Variants in FKBP5 observed in about 807,000 individuals in gnomAD.
FKBP5 encodes the protein peptidyl-prolyl cis-trans isomerase FKBP5.
A neutral mutation model predicts 50.5 loss-of-function variants in FKBP5; 23 were observed. The observed-to-expected ratio is 0.46, with a 90% confidence interval of 0.33 to 0.65. FKBP5 has a LOEUF of 0.65. FKBP5 is among the 30% of genes least tolerant of loss of function. FKBP5 has a pLI of 0.02. For synonymous variants in FKBP5, 176 were observed against 190.6 expected, an observed-to-expected ratio of 0.92 and a Z score of 0.63; for missense variants, 411 against 553.1, an observed-to-expected ratio of 0.74 and a Z score of 2.58.
rs749466288 is a variant in FKBP5, at chr6:35,582,090, C to CTG, written c.841-1871_841-1870dup. ...TGAAGATGGGGCAGACCTGTTCCAGCTGGAGGGCCTGGGTGTGAATGAGGG... is the reference window on the plus strand; with the variant it reads ...TGAAGATGGGGCAGACCTGTTCCAGCTGTGGAGGGCCTGGGTGTGAATGAGGG... On this transcript the variant is annotated intron_variant, in intron 8 of 10. Transcript: ENST00000357266. 5 of 985,440 alleles carry CTG rather than the reference C, an allele frequency of 5.1e-6. No individual in the cohort carries two copies. In the East Asian group the frequency reaches 3.4e-4, roughly 67 times the overall value. 61.0% of individuals were successfully genotyped at this position (985,440 alleles called of 1,614,324 possible).
intron 3 of FKBP5, among the ~76,000 whole-genome samples, chr6:35,624,530 C>G (rs1476322832): frequency 2.6e-5 from 4 of 151,824 alleles, no homozygotes; most frequent in Non-Finnish European, 4.4e-5. Context: ...AGGAAAAAAA[C>G]AAGGTCACTG....
intron 1 of FKBP5, among the ~76,000 whole-genome samples, chr6:35,648,492 T>A (rs1764693732): frequency 6.6e-6 from 1 of 151,972 alleles, no homozygotes; most frequent in Non-Finnish European, 1.5e-5. Flanking sequence ...CCCAGGCTGG[T>A]CTTGAAGTGA....
Position 35,664,790 on chromosome 6 carries a change from T to A in FKBP5, c.-19-21947A>T, listed in dbSNP as rs542744137. 13 of 154,308 alleles carry A rather than the reference T, an allele frequency of 8.4e-5. No individual in the cohort carries two copies. In the South Asian group the frequency reaches 2.2e-3, roughly 27 times the overall value. 9.6% of individuals were successfully genotyped at this position (154,308 alleles called of 1,614,324 possible). A position where few individuals can be genotyped will look rare whatever the true frequency, so the allele number is the denominator to read the frequency against. ...TAGAGGTAGTAGCTGAAATTAAAAG[T>A]GGCATAATTTCTCCCTCTTTCCTTC... is the stretch of plus-strand genomic sequence containing the variant. On this transcript the variant is annotated intron_variant, in intron 1 of 10. Transcript: ENST00000357266.
chr6:35,702,435 G>A (rs895113393), intron 2 of FKBP5, among the ~76,000 whole-genome samples: 3 of 151,000 alleles, frequency 2.0e-5, no homozygotes, highest in African/African-American at 7.3e-5. Flanking sequence ...CTGGATAATG[G>A]CATGCAAAAT....
chr6:35,717,403 A>G (rs1581904206), intron 2 of FKBP5, among the ~76,000 whole-genome samples: 1 of 152,028 alleles, frequency 6.6e-6, no homozygotes. Flanking sequence ...TGTATGTGTG[A>G]GTGTGTGCTC....
rs992105 is a variant in FKBP5 at position 35,587,406 on chromosome 6, C to A, written c.757-289G>T. 0.83 allele frequency among the ~76,000 whole-genome samples: 126,986 copies of A among 152,120 alleles called. 53,101 individuals carry two copies. The highest frequency in any genetic ancestry group is 0.84 in the Admixed American group (12,864 of 15,290). The stretch of plus-strand genomic sequence containing the variant: ...CTCTGGTAAGCACTGCTACAAAGTG[C>A]ATCTTTAGAAATACAAGGTGAACCC... On this transcript the variant is annotated intron_variant, in intron 7 of 10. Transcript: ENST00000357266.
At chr6:35,581,267 CATATATA>C (rs1762419364) in intron 8 of FKBP5, 3 of 457,300 alleles carry the variant, frequency 6.6e-6, no homozygotes, top group African/African-American at 2.1e-5. Context: ...TAAATATAAA[CATATATA>C]ATATATATAT....
At chr6:35,724,617 C>T (rs1310234287) in intron 1 of FKBP5, among the ~76,000 whole-genome samples, 1 of 151,976 alleles carries the variant, frequency 6.6e-6, no homozygotes, top group Non-Finnish European at 1.5e-5. Flanking sequence ...ATGGTTCACA[C>T]CTGTAATCCC....
rs146032538 is a variant in FKBP5 at position 35,642,813 on chromosome 6, A to G, written c.12T>C (p.Asp4=). Residue 4 remains aspartate (D), a synonymous_variant, in exon 2 of 11, where the codon GAT becomes GAC. Coordinates refer to ENST00000357266, the MANE Select transcript of FKBP5 (RefSeq NM_004117.4). MTT[D]EGAKNNEESP... ...TTTCTTCATTGTTCTTGGCACCTTC[A>G]TCAGTAGTCATTGTCTTTTAAGTAG... 5,560 of 1,613,518 alleles carry G rather than the reference A, an allele frequency of 3.4e-3. 172 individuals carry two copies. The East Asian group carries it at 0.066, about 19-fold the overall frequency.
chr6:35,576,217 CGCCCTCTCTGCAGACA>C (rs1289364846), intron 10 of FKBP5, among the ~76,000 whole-genome samples: 1 of 151,982 alleles, frequency 6.6e-6, no homozygotes, highest in African/African-American at 2.4e-5. Flanking sequence ...GTAGGGAGGC[CGCCCTCTCTGCAGACA>C]GACCTCTCCT....
chr6:35,582,486 CCACT>C, intron 8 of FKBP5: 1 of 372,968 alleles, frequency 2.7e-6, no homozygotes, highest in Non-Finnish European at 3.7e-6. Flanking sequence ...TGCCCTCTCT[CCACT>C]CACATGCATG....
chr6:35,575,891 C>T lies in FKBP5; in HGVS notation c.1318G>A (p.Glu440Lys). The change falls in exon 11 of 11, where the codon GAA becomes AAA. Residue 440 changes from glutamate to lysine, a missense_variant. By Grantham distance (56) the Glu-to-Lys change is moderately conservative (BLOSUM62 1). Around this residue, in one of 3 missense-constraint regions of FKBP5, gnomAD observed 88 missense variants for 89.0 expected, o/e 0.99. Transcript: ENST00000357266. ...GKKTSEGVTN[E>K]KGTDSQAMEE... is the part of the protein sequence containing the mutation. ...ATTGCTTGACTGTCTGTTCCTTTTT[C>T]ATTAGTGACCCCTTCTGAAGTCTTC... The T allele has an allele frequency of 6.2e-7, 1 of 1,614,082 alleles. No individual in the cohort carries two copies. The highest frequency in any genetic ancestry group is 8.5e-7 in the Non-Finnish European group (1 of 1,179,976).
chr6:35,591,625 C>A (rs1356705308), intron 6 of FKBP5, among the ~76,000 whole-genome samples: 1 of 151,974 alleles, frequency 6.6e-6, no homozygotes, highest in Non-Finnish European at 1.5e-5. Flanking sequence ...GAAGACACAG[C>A]CACTGTAATT....
intron 1 of FKBP5, among the ~76,000 whole-genome samples, chr6:35,671,330 C>G (rs539497170): frequency 2.0e-5 from 3 of 150,616 alleles, no homozygotes; most frequent in Non-Finnish European, 4.4e-5. Context: ...TCCAAACTGA[C>G]AAATCTAGCC....
chr6:35,618,840 G>A (rs961119885), intron 5 of FKBP5, among the ~76,000 whole-genome samples: 6 of 151,894 alleles, frequency 4.0e-5, no homozygotes, highest in Non-Finnish European at 8.8e-5. Context: ...GAATACAGGC[G>A]TGCACCACCA....
At chr6:35,699,057 C>T (rs1045812750) in intron 2 of FKBP5, among the ~76,000 whole-genome samples, 1 of 152,186 alleles carries the variant, frequency 6.6e-6, no homozygotes, top group African/African-American at 2.4e-5. Flanking sequence ...GCAGGGACAG[C>T]TGGTCTCTAG....
chr6:35,586,087 C>T, intron 8 of FKBP5: 1 of 985,132 alleles, frequency 1.0e-6, no homozygotes, highest in Non-Finnish European at 1.2e-6. Context: ...CGAAAGAAAC[C>T]TTGACAGAAC....
At position 35,686,668 on chromosome 6, in the gene FKBP5, T is replaced by C. The variant is rs75945493; in HGVS notation, c.-20+2136A>G. Among the ~76,000 whole-genome samples the C allele has an allele frequency of 1.1e-3, 165 of 152,326 alleles. 2 individuals are homozygous for C. Among genetic ancestry groups the C allele is most frequent in the African/African-American group, 3.8e-3 (160 of 41,580 alleles). On this transcript the variant is annotated intron_variant, in intron 1 of 10. Coordinates refer to ENST00000357266, the MANE Select transcript of FKBP5 (RefSeq NM_004117.4). ...TTAGCTTTTAACAGCAGTAACTTCT[T>C]CTACAGGTATACAAACAGGATGTTC...
In FKBP5 at chr6:35,642,846, G is replaced by A. The variant is rs772283357; in HGVS notation, c.-19-3C>T. Reference sequence around the variant, plus strand: ...TCATTGTCTTTTAAGTAGAGAACCTGGTAAGAAGAAAAATATTTTAGCTGG... The same window carrying A: ...TCATTGTCTTTTAAGTAGAGAACCTAGTAAGAAGAAAAATATTTTAGCTGG... On this transcript the variant is annotated splice_region_variant and splice_polypyrimidine_tract_variant and intron_variant, in intron 1 of 10. Transcript: ENST00000357266. 2.5e-6 allele frequency: 4 copies of A among 1,588,664 alleles called. No individual in the cohort carries two copies. The South Asian group carries it at 3.4e-5, about 13-fold the overall frequency.
Sources: gnomAD v4.1 joint callset for allele counts (sites outside exome capture counted in the v4.1 genomes callset) on GRCh38, gnomAD v4.1.1 for gene constraint, gnomAD v4.1.1 regional missense constraint, MANE v1.5 for transcripts, NCBI Gene and HGNC (gene_info 2026-07-23, HGNC 2026-07-21) for gene names.